BRCA2: variants seen among roughly 807,000 people sequenced by gnomAD.
BRCA2 encodes BRCA2 DNA repair associated, also known as breast cancer type 2 susceptibility protein.
A neutral mutation model predicts 276.7 loss-of-function variants in BRCA2; 203 were observed. The ratio of observed to expected loss-of-function variants is 0.73; its 90% CI spans 0.65 to 0.82. The LOEUF (loss-of-function observed/expected upper bound fraction) is 0.82, where lower values mean the gene tolerates loss of function less well. Ranked by LOEUF, BRCA2 falls within the 40% of genes least tolerant of loss-of-function variation. The pLI, the probability that BRCA2 is intolerant of heterozygous loss-of-function variation, is 0.00. For synonymous variants in BRCA2, 1,289 were observed against 1,338.4 expected, an observed-to-expected ratio of 0.96 and a Z score of 0.81; for missense variants, 3,920 against 3,915.0, an observed-to-expected ratio of 1.00 and a Z score of -0.03.
Position 32,338,750 on chromosome 13 carries a change from A to G in BRCA2, c.4395A>G (p.Glu1465=), listed in dbSNP as rs188234310. Residue 1465 remains glutamate (E), a synonymous_variant, in exon 11 of 27, where the codon GAA becomes GAG. Transcript: ENST00000380152. Reference sequence around the variant, plus strand: ...TGCATAACTTTTCCTTAAATTCTGAATTACATTCTGACATAAGAAAGAACA... The same window carrying G: ...TGCATAACTTTTCCTTAAATTCTGAGTTACATTCTGACATAAGAAAGAACA... ...EELHNFSLNS[E]LHSDIRKNKM... is the part of the protein sequence containing the mutation. 1 of 1,605,132 alleles carries G rather than the reference A, an allele frequency of 6.2e-7. No individual in the cohort carries two copies.
chr13:32,360,317 G>T (rs1458064904), intron 16 of BRCA2, among the ~76,000 whole-genome samples: 1 of 152,110 alleles, frequency 6.6e-6, no homozygotes, highest in Admixed American at 6.5e-5. Context: ...CTTTTACTCT[G>T]CACGATTTTT....
At chr13:32,389,586 G>A (rs1318665866) in intron 24 of BRCA2, among the ~76,000 whole-genome samples, 1 of 152,122 alleles carries the variant, frequency 6.6e-6, no homozygotes, top group Non-Finnish European at 1.5e-5. Context: ...TTCAGTACTT[G>A]AAAAATATTG....
At position 32,326,153 on chromosome 13, in the gene BRCA2, AT is replaced by A. The variant is rs276174848; in HGVS notation, c.475+4del. On this transcript the variant is annotated splice_donor_region_variant and intron_variant, in intron 5 of 26. Transcript: ENST00000380152. ...AACACCACAAAGAGATAAGTCAGGT[AT>A]GATTAAAAACAATGCTTTTTATTCT... 6.2e-7 allele frequency: 1 copy of A among 1,609,054 alleles called. No individual in the cohort carries two copies. Among genetic ancestry groups the A allele is most frequent in the Non-Finnish European group, 8.5e-7 (1 of 1,176,202 alleles).
rs879254137 is a variant in BRCA2 at position 32,340,773 on chromosome 13, G to A, written c.6418G>A (p.Gly2140Ser). The A allele has an allele frequency of 1.3e-6, 2 of 1,595,532 alleles. No individual in the cohort carries two copies. Among genetic ancestry groups the A allele is most frequent in the African/African-American group, 2.7e-5 (2 of 73,512 alleles). Residue 2140 changes from glycine (G) to serine (S), a missense_variant, in exon 11 of 27, where the codon GGT becomes AGT. Physicochemically the swap from Gly to Ser is moderately conservative, Grantham distance 56. Coordinates refer to ENST00000380152, the MANE Select transcript of BRCA2 (RefSeq NM_000059.4). ...ATTATCAAATAACTTAAATGTTGAAGGTGGTTCTTCAGAAAATAATCACTC... is the reference window on the plus strand; with the variant it reads ...ATTATCAAATAACTTAAATGTTGAAAGTGGTTCTTCAGAAAATAATCACTC... ...FKLSNNLNVE[G>S]GSSENNHSIK... is the part of the protein sequence containing the mutation.
At chr13:32,385,873 C>T (rs1010815622) in intron 24 of BRCA2, 3 of 159,524 alleles carry the variant, frequency 1.9e-5, no homozygotes, top group African/African-American at 4.8e-5. Flanking sequence ...TGCAATTATC[C>T]GTTATTTAAA....
At position 32,399,142 on chromosome 13, in the gene BRCA2, G is replaced by GA. The variant is rs200528973; in HGVS notation, c.*382dup. 2,018 of 195,296 alleles carry GA rather than the reference G, an allele frequency of 0.01. No individual in the cohort carries two copies. The highest frequency in any genetic ancestry group is 0.019 in the Middle Eastern group (11 of 576). 12.1% of individuals were successfully genotyped at this position (195,296 alleles called of 1,614,324 possible). A position where few individuals can be genotyped will look rare whatever the true frequency, so the allele number is the denominator to read the frequency against. On this transcript the variant is annotated 3_prime_UTR_variant, in exon 27 of 27. Coordinates refer to ENST00000380152, the MANE Select transcript of BRCA2 (RefSeq NM_000059.4). The stretch of plus-strand genomic sequence containing the variant: ...ATAGGGAGACCCCCATCTTTACAAA[G>GA]AAAAAAAAAAGGGGAAAAGAAAATC...
intron 20 of BRCA2, among the ~76,000 whole-genome samples, chr13:32,372,193 G>C (rs570652702): frequency 6.6e-6 from 1 of 152,338 alleles, no homozygotes; most frequent in South Asian, 2.1e-4. Context: ...ATCAAACTCT[G>C]CTTTATCAGA....
At chr13:32,359,175 T>C (rs1300143585) in intron 16 of BRCA2, among the ~76,000 whole-genome samples, 1 of 138,294 alleles carries the variant, frequency 7.2e-6, no homozygotes, top group Non-Finnish European at 1.5e-5. Flanking sequence ...TGAGCCAAAA[T>C]TGCACCACTG....
Position 32,340,198 on chromosome 13 carries a change from G to A in BRCA2, c.5843G>A (p.Cys1948Tyr), listed in dbSNP as rs757148516. ...GAGAAAGTTTCTAAAATATCACCTT[G>A]TGATGTTAGTTTGGAAACTTCAGAT... is the stretch of plus-strand genomic sequence containing the variant. ...GLEKVSKISP[C>Y]DVSLETSDIC... is the part of the protein sequence containing the mutation. The change falls in exon 11 of 27, where the codon TGT becomes TAT. Residue 1948 changes from cysteine (C) to tyrosine (Y), a missense_variant. Around this residue, in one of 2 missense-constraint regions of BRCA2, gnomAD observed 3,263 missense variants for 3,156.9 expected, o/e 1.03. Transcript: ENST00000380152. The A allele has an allele frequency of 6.2e-7, 1 of 1,613,772 alleles. No homozygotes were observed. The highest frequency in any genetic ancestry group is 8.5e-7 in the Non-Finnish European group (1 of 1,179,764).
At position 32,339,834 on chromosome 13, in the gene BRCA2, A is replaced by G. The variant is rs80358770; in HGVS notation, c.5479A>G (p.Ile1827Val). Residue 1827 changes from isoleucine to valine, a missense_variant, in exon 11 of 27, where the codon ATT becomes GTT. Coordinates refer to ENST00000380152, the MANE Select transcript of BRCA2 (RefSeq NM_000059.4). ...SSPCKNKNAA[I>V]KLSISNSNNF... ...ACCCTGCAAAAATAAAAATGCAGCCATTAAATTGTCCATATCTAATAGTAA... is the reference window on the plus strand; with the variant it reads ...ACCCTGCAAAAATAAAAATGCAGCCGTTAAATTGTCCATATCTAATAGTAA... 2.5e-6 allele frequency: 4 copies of G among 1,613,960 alleles called. No individual in the cohort carries two copies. Among genetic ancestry groups the G allele is most frequent in the Middle Eastern group, 1.7e-4 (1 of 6,056 alleles).
intron 18 of BRCA2, among the ~76,000 whole-genome samples, chr13:32,368,674 A>C (rs1359731186): frequency 6.6e-6 from 1 of 152,126 alleles, no homozygotes; most frequent in African/African-American, 2.4e-5. Flanking sequence ...TTTAACTAGG[A>C]GACCCTCAAA....
rs2137557628 is a variant in BRCA2, at chr13:32,355,137, G to A, written c.7284G>A (p.Leu2428=). The change falls in exon 14 of 27, where the codon TTG becomes TTA. Residue 2428 remains leucine, a synonymous_variant. Coordinates refer to ENST00000380152, the MANE Select transcript of BRCA2 (RefSeq NM_000059.4). ...AACAGTGTGTTAGGAATATTAACTT[G>A]GAGGAAAACAGACAAAAGCAAAACA... is the stretch of plus-strand genomic sequence containing the variant. ...RVEQCVRNIN[L]EENRQKQNID... is the part of the protein sequence containing the mutation. 6.2e-7 allele frequency: 1 copy of A among 1,613,708 alleles called. No homozygotes were observed. Among genetic ancestry groups the A allele is most frequent in the Non-Finnish European group, 8.5e-7 (1 of 1,179,712 alleles).
At chr13:32,384,312 G>A (rs866228740) in intron 24 of BRCA2, among the ~76,000 whole-genome samples, 1 of 152,160 alleles carries the variant, frequency 6.6e-6, no homozygotes, top group Non-Finnish European at 1.5e-5. Context: ...AAAGGGTGAC[G>A]GTAGTGGAGA....
chr13:32,355,554 T>G (rs896778998), intron 14 of BRCA2, among the ~76,000 whole-genome samples: 2 of 152,246 alleles, frequency 1.3e-5, no homozygotes, highest in Admixed American at 6.5e-5. Context: ...GCTACTAATT[T>G]TCTTTTTAAA....
chr13:32,397,709 A>G (rs1029200896), intron 26 of BRCA2, among the ~76,000 whole-genome samples: 2 of 152,142 alleles, frequency 1.3e-5, no homozygotes, highest in East Asian at 3.9e-4. Context: ...ACTTGACTCT[A>G]TTATCCTGAT....
At chr13:32,386,717 C>G (rs766079115) in intron 24 of BRCA2, among the ~76,000 whole-genome samples, 1 of 152,132 alleles carries the variant, frequency 6.6e-6, no homozygotes, top group African/African-American at 2.4e-5. Flanking sequence ...TTTCTCCCCC[C>G]CTTAGTTACA....
chr13:32,339,190 C>T lies in BRCA2; in HGVS notation c.4835C>T (p.Pro1612Leu), dbSNP rs764834875. 2 of 1,613,566 alleles carry T rather than the reference C, an allele frequency of 1.2e-6. No homozygotes were observed. Among genetic ancestry groups the T allele is most frequent in the Non-Finnish European group, 1.7e-6 (2 of 1,179,624 alleles). ...KNLVSIETVVPPKLLSDNLCR... is the reference protein window; with the variant it reads ...KNLVSIETVVLPKLLSDNLCR... ...CTTGTTTCTATTGAGACTGTGGTGC[C>T]ACCTAAGCTCTTAAGTGATAATTTA... The change falls in exon 11 of 27, where the codon CCA becomes CTA. Residue 1612 changes from proline (P) to leucine (L), a missense_variant. By Grantham distance (98) the Pro-to-Leu change is moderately conservative. Coordinates refer to ENST00000380152, the MANE Select transcript of BRCA2 (RefSeq NM_000059.4).
chr13:32,391,592 G>T (rs1302864744), intron 24 of BRCA2, among the ~76,000 whole-genome samples: 1 of 152,244 alleles, frequency 6.6e-6, no homozygotes, highest in Non-Finnish European at 1.5e-5. Context: ...ACTCCAGGTG[G>T]AATCGGTGAC....
chr13:32,367,478 C>G (rs1476532683), intron 18 of BRCA2, among the ~76,000 whole-genome samples: 2 of 151,000 alleles, frequency 1.3e-5, no homozygotes, highest in Non-Finnish European at 3.0e-5. Context: ...AATTGAAATT[C>G]ATAACAAATG....
Sources: gnomAD v4.1 joint callset for allele counts (sites outside exome capture counted in the v4.1 genomes callset) on GRCh38, gnomAD v4.1.1 for gene constraint, gnomAD v4.1.1 regional missense constraint, MANE v1.5 for transcripts, NCBI Gene and HGNC (gene_info 2026-07-23, HGNC 2026-07-21) for gene names.